DIS3L2: variants seen among roughly 807,000 people sequenced by gnomAD.
The protein encoded by DIS3L2 is DIS3-like exonuclease 2.
Under a neutral mutation model 97.5 loss-of-function variants are expected in DIS3L2, and 34 were observed. The observed-to-expected ratio is 0.35, with a 90% CI of 0.27 to 0.46. The LOEUF (loss-of-function observed/expected upper bound fraction) is 0.46. Ranked by LOEUF, DIS3L2 falls within the 20% of genes least tolerant of loss-of-function variation. The probability of loss-of-function intolerance (pLI) is 1.00; values close to 1 mark genes in which losing one functional copy is unlikely to be tolerated. For synonymous variants in DIS3L2, 435 were observed against 445.2 expected (o/e 0.98, Z 0.29); for missense variants, 1,038 against 1,146.0 (o/e 0.91, Z 1.36).
chr2:232,198,369 T>G (rs1691812784), intron 9 of DIS3L2, among the ~76,000 whole-genome samples: 1 of 152,244 alleles, frequency 6.6e-6, no homozygotes, highest in South Asian at 2.1e-4. Context: ...ACACTTTATA[T>G]TTAGGGGCTT....
chr2:232,241,990 AG>A (rs557597484), intron 11 of DIS3L2, among the ~76,000 whole-genome samples: 143 of 152,312 alleles, frequency 9.4e-4, no homozygotes, highest in Admixed American at 2.1e-3. Context: ...TAGAGATCAA[AG>A]ATTGGGATTG....
At chr2:232,264,642 A>G (rs1344494045) in intron 13 of DIS3L2, among the ~76,000 whole-genome samples, 1 of 152,146 alleles carries the variant, frequency 6.6e-6, no homozygotes, top group Non-Finnish European at 1.5e-5. Flanking sequence ...GGAACTGTTC[A>G]CCAGACCGCC....
intron 13 of DIS3L2, among the ~76,000 whole-genome samples, chr2:232,289,313 C>G (rs1694534207): frequency 6.6e-6 from 1 of 151,448 alleles, no homozygotes; most frequent in South Asian, 2.1e-4. Context: ...TTGCCTCTCT[C>G]ATGTCTGAGA....
At chr2:232,173,477 C>T (rs942152082) in intron 9 of DIS3L2, among the ~76,000 whole-genome samples, 1 of 152,178 alleles carries the variant, frequency 6.6e-6, no homozygotes, top group African/African-American at 2.4e-5. Flanking sequence ...AGTGATCCAC[C>T]AGCCTCAGCC....
At chr2:231,972,703 C>T (rs1692957555) in intron 1 of DIS3L2, among the ~76,000 whole-genome samples, 1 of 152,114 alleles carries the variant, frequency 6.6e-6, no homozygotes, top group Non-Finnish European at 1.5e-5. Flanking sequence ...GCCACCAGGC[C>T]TGGCTAATTT....
At chr2:232,034,710 T>C (rs1390286676) in intron 5 of DIS3L2, among the ~76,000 whole-genome samples, 1 of 152,230 alleles carries the variant, frequency 6.6e-6, no homozygotes, top group Non-Finnish European at 1.5e-5. Flanking sequence ...TATTTCTGCC[T>C]TAATTTCATT....
chr2:232,320,879 A>C (rs1206744308), intron 14 of DIS3L2, among the ~76,000 whole-genome samples: 1 of 152,118 alleles, frequency 6.6e-6, no homozygotes, highest in Non-Finnish European at 1.5e-5. Flanking sequence ...GCAGAGGAAA[A>C]CTAGCCTCCA....
At chr2:232,165,713 A>C (rs1690783867) in intron 9 of DIS3L2, among the ~76,000 whole-genome samples, 1 of 152,080 alleles carries the variant, frequency 6.6e-6, no homozygotes, top group Non-Finnish European at 1.5e-5. Flanking sequence ...ACTTTTGTAG[A>C]GATGGGGTCT....
At chr2:232,146,623 C>T (rs1441793002) in intron 8 of DIS3L2, among the ~76,000 whole-genome samples, 2 of 152,058 alleles carry the variant, frequency 1.3e-5, no homozygotes, top group Non-Finnish European at 2.9e-5. Context: ...AAAAGGGAGA[C>T]CCTGTCTGCC....
intron 3 of DIS3L2, among the ~76,000 whole-genome samples, chr2:232,019,320 G>C (rs1052020416): frequency 6.6e-6 from 1 of 152,124 alleles, no homozygotes; most frequent in African/African-American, 2.4e-5. Context: ...AGAAGGCTAG[G>C]GTGGGAAGAT....
At chr2:232,109,303 C>A (rs745327093) in intron 6 of DIS3L2, among the ~76,000 whole-genome samples, 5 of 151,830 alleles carry the variant, frequency 3.3e-5, no homozygotes, top group African/African-American at 9.7e-5. Flanking sequence ...AAAATTAGCT[C>A]GGTGGCACAC....
chr2:232,022,788 T>C (rs1272837198), intron 3 of DIS3L2, among the ~76,000 whole-genome samples: 4 of 152,240 alleles, frequency 2.6e-5, no homozygotes, highest in African/African-American at 7.2e-5. Context: ...TAGGAAATAT[T>C]TGTTGAGTGA....
At chr2:232,026,864 G>A (rs1296605963) in intron 4 of DIS3L2, among the ~76,000 whole-genome samples, 2 of 152,136 alleles carry the variant, frequency 1.3e-5, no homozygotes, top group Non-Finnish European at 2.9e-5. Context: ...GTCATACTTA[G>A]AAATTTTTAG....
In DIS3L2 at chr2:232,336,761, A is replaced by G; in HGVS notation, c.*131A>G. 2.0e-6 allele frequency: 3 copies of G among 1,482,724 alleles called. No homozygotes were observed. Among genetic ancestry groups the G allele is most frequent in the Non-Finnish European group, 1.8e-6 (2 of 1,127,268 alleles). 91.8% of individuals were successfully genotyped at this position (1,482,724 alleles called of 1,614,324 possible). ...CAGGGGTTTGTTTTTATTTTTATTTAATTTTTGCAGCTCAACTTTTAAACA... is the reference window on the plus strand; with the variant it reads ...CAGGGGTTTGTTTTTATTTTTATTTGATTTTTGCAGCTCAACTTTTAAACA... On this transcript the variant is annotated 3_prime_UTR_variant, in exon 21 of 21. Transcript: ENST00000325385.
downstream of DIS3L2, among the ~76,000 whole-genome samples, chr2:232,342,078 T>A (rs1696112836): frequency 1.3e-5 from 2 of 150,224 alleles, no homozygotes; most frequent in Non-Finnish European, 2.9e-5. Context: ...CAACGATAGA[T>A]AATAGAACAT....
chr2:232,245,962 T>C (rs1245873304), intron 11 of DIS3L2, among the ~76,000 whole-genome samples: 1 of 152,128 alleles, frequency 6.6e-6, no homozygotes, highest in Non-Finnish European at 1.5e-5. Flanking sequence ...AAAAAAGAGG[T>C]GGTCCATCTC....
At chr2:232,343,241 T>C (rs773730487) in intron 13 of DIS3L2, 20 of 923,684 alleles carry the variant, frequency 2.2e-5, no homozygotes, top group Admixed American at 7.3e-5. Flanking sequence ...TCTGAAGCTA[T>C]GGAGCTGACG....
At chr2:232,323,500 C>T (rs1012876890) in intron 14 of DIS3L2, among the ~76,000 whole-genome samples, 2 of 152,168 alleles carry the variant, frequency 1.3e-5, no homozygotes, top group African/African-American at 4.8e-5. Context: ...AGCAGGGGCC[C>T]GCCCACTCAC....
At chr2:232,076,726 T>G (rs1696198600) in intron 5 of DIS3L2, among the ~76,000 whole-genome samples, 1 of 152,182 alleles carries the variant, frequency 6.6e-6, no homozygotes, top group Non-Finnish European at 1.5e-5. Flanking sequence ...AAAGAAGTTT[T>G]AATAGAGTTG....
Sources: gnomAD v4.1 joint callset for allele counts (sites outside exome capture counted in the v4.1 genomes callset) on GRCh38, gnomAD v4.1.1 for gene constraint, MANE v1.5 for transcripts, NCBI Gene and HGNC (gene_info 2026-07-23, HGNC 2026-07-21) for gene names.